Variants in CEP76 observed in about 807,000 individuals in gnomAD.
CEP76 encodes the protein centrosomal protein 76, also known as centrosomal protein of 76 kDa.
Under a neutral mutation model 83.3 loss-of-function variants are expected in CEP76, and 55 were observed. That is an observed-to-expected ratio of 0.66 (90% CI 0.53 to 0.83). The LOEUF is 0.83. Among genes scored for constraint, CEP76 ranks in the 40% least tolerant of loss-of-function variants. The pLI is 0.00. For synonymous variants in CEP76, 270 were observed against 274.5 expected (o/e 0.98, Z 0.16); for missense variants, 694 against 799.5 (o/e 0.87, Z 1.59).
intron 9 of CEP76, among the ~76,000 whole-genome samples, chr18:12,680,227 A>T (rs1278344909): frequency 6.6e-6 from 1 of 152,116 alleles, no homozygotes; most frequent in Non-Finnish European, 1.5e-5. Flanking sequence ...ATCACTGAAA[A>T]GGCTCTAACT....
At chr18:12,673,526 T>C (rs1455950950) in intron 11 of CEP76, 23 bp from the exon 12 acceptor site, 1 of 1,535,316 alleles carries the variant, frequency 6.5e-7, no homozygotes, top group Non-Finnish European at 8.8e-7. Flanking sequence ...AAAAAAATTA[T>C]TCAATTAAGA....
At chr18:12,698,527 T>C (rs2040040713) in intron 4 of CEP76, among the ~76,000 whole-genome samples, 1 of 152,222 alleles carries the variant, frequency 6.6e-6, no homozygotes, top group South Asian at 2.1e-4. Flanking sequence ...CTTGAACTCC[T>C]GGCTTCAAAT....
Position 12,686,376 on chromosome 18 carries a change from T to G in CEP76, c.1008A>C (p.Pro336=). The change falls in exon 8 of 12, where the codon CCA becomes CCC. Residue 336 remains proline (P), a synonymous_variant. Transcript: ENST00000262127. ...PLRAGRLLDT[P]RQAARFVNVL... is the part of the protein sequence containing the mutation. ...CATTAACAAATCTTGCTGCTTGCCT[T>G]GGAGTATCAAGAAGCCGTCCAGCTC... 6.2e-7 allele frequency: 1 copy of G among 1,614,092 alleles called. No individual in the cohort carries two copies. Among genetic ancestry groups the G allele is most frequent in the Non-Finnish European group, 8.5e-7 (1 of 1,179,966 alleles).
chr18:12,668,110 C>A (rs1255732776), downstream of CEP76, among the ~76,000 whole-genome samples: 1 of 151,842 alleles, frequency 6.6e-6, no homozygotes, highest in Non-Finnish European at 1.5e-5. Flanking sequence ...ACGAAAAATA[C>A]AAAAATTAGC....
chr18:12,674,486 A>G (rs1044312503), intron 11 of CEP76, 50 bp downstream of exon 11: 1 of 1,381,614 alleles, frequency 7.2e-7, no homozygotes, highest in East Asian at 2.3e-5. Flanking sequence ...TGCCGGACTG[A>G]TCTGTAAGAC....
intron 11 of CEP76, 91 bp downstream of exon 11, chr18:12,674,441 TAAAA>T (rs34769779): frequency 3.9e-3 from 2,774 of 710,470 alleles, no homozygotes; most frequent in Middle Eastern, 5.3e-3. Flanking sequence ...GACCTTGAGT[TAAAA>T]AAAAAAAAAA....
chr18:12,701,326 CAAA>C (rs923958865), intron 1 of CEP76, among the ~76,000 whole-genome samples: 69 of 152,246 alleles, frequency 4.5e-4, no homozygotes, highest in African/African-American at 1.4e-3. Flanking sequence ...CATTTCTCCA[CAAA>C]CAACACTCAA....
intron 7 of CEP76, among the ~76,000 whole-genome samples, chr18:12,688,930 C>T (rs2039646709): frequency 6.6e-6 from 1 of 152,016 alleles, no homozygotes; most frequent in Non-Finnish European, 1.5e-5. Context: ...CTGGCTAACA[C>T]AGTGAAACCC....
intron 8 of CEP76, among the ~76,000 whole-genome samples, chr18:12,681,425 T>C (rs2039346512): frequency 6.6e-6 from 1 of 151,734 alleles, no homozygotes; most frequent in South Asian, 2.1e-4. Flanking sequence ...TTTAAAATTT[T>C]TTTTGTATAA....
intron 9 of CEP76, among the ~76,000 whole-genome samples, chr18:12,680,274 T>C (rs967126300): frequency 1.2e-4 from 18 of 152,124 alleles, no homozygotes; most frequent in African/African-American, 4.3e-4. Context: ...ACCATCAATA[T>C]GGACAAAAAA....
intron 7 of CEP76, among the ~76,000 whole-genome samples, chr18:12,690,980 A>T (rs1443422460): frequency 6.6e-6 from 1 of 150,684 alleles, no homozygotes; most frequent in Non-Finnish European, 1.5e-5. Context: ...TTTACATATA[A>T]CCTGCAAAGT....
intron 8 of CEP76, chr18:12,684,820 C>T (rs775249621): frequency 6.6e-6 from 1 of 151,834 alleles, no homozygotes; most frequent in Non-Finnish European, 1.5e-5. Context: ...ATACTATCAA[C>T]ATTTTTAGAA....
In CEP76 at chr18:12,699,838, A is replaced by G; in HGVS notation, c.287T>C (p.Leu96Ser). The G allele has an allele frequency of 1.9e-6, 3 of 1,555,190 alleles. No individual in the cohort carries two copies. The highest frequency in any genetic ancestry group is 2.6e-6 in the Non-Finnish European group (3 of 1,141,064). The change falls in exon 3 of 12, where the codon TTA becomes TCA. Residue 96 changes from leucine to serine, a missense_variant. Physicochemically the swap from Leu to Ser is moderately radical, Grantham distance 145. Transcript: ENST00000262127. ...TGTTAAAATATACATACTTTTTTTT[A>G]ATGTCGATTGTCTATCAAAACAAAT... is the stretch of plus-strand genomic sequence containing the variant. ...QPICFDRQSTLKKTNIDPTRR... is the reference protein window; with the variant it reads ...QPICFDRQSTSKKTNIDPTRR...
At position 12,695,316 on chromosome 18, in the gene CEP76, T is replaced by C. The variant is rs1436633389; in HGVS notation, c.742A>G (p.Ile248Val). The C allele has an allele frequency of 1.3e-6, 2 of 1,568,852 alleles. No homozygotes were observed. The highest frequency in any genetic ancestry group is 1.4e-5 in the African/African-American group (1 of 73,826). Residue 248 changes from isoleucine to valine, a missense_variant, in exon 6 of 12, where the codon ATA (isoleucine) becomes GTA (valine). Coordinates refer to ENST00000262127, the MANE Select transcript of CEP76 (RefSeq NM_024899.4). ...AGTGGTGGATACATTTCAAGTTTTA[T>C]ATTTAAAATTCCCACAGAAACTTTT... ...ESKVSVGILN[I>V]KLEMYPPLNQ...
chr18:12,690,625 T>G (rs2039720597), intron 7 of CEP76, among the ~76,000 whole-genome samples: 2 of 152,070 alleles, frequency 1.3e-5, no homozygotes, highest in South Asian at 4.1e-4. Flanking sequence ...CCGGCTAATT[T>G]TTTGTGTTTT....
chr18:12,701,572 A>G (rs1476170992), intron 1 of CEP76, among the ~76,000 whole-genome samples: 1 of 152,164 alleles, frequency 6.6e-6, no homozygotes, highest in Non-Finnish European at 1.5e-5. Flanking sequence ...CCCTCTCACG[A>G]TAGTGTTGTG....
intron 3 of CEP76, 66 bp downstream of exon 3, chr18:12,699,764 C>G (rs530067824): frequency 1.1e-6 from 1 of 894,164 alleles, no homozygotes; most frequent in South Asian, 1.9e-5. Flanking sequence ...CTATCAAATA[C>G]GAAAGACTAC....
chr18:12,691,197 C>CA, intron 7 of CEP76, 162 bp downstream of exon 7: 1 of 478,616 alleles, frequency 2.1e-6, no homozygotes, highest in African/African-American at 2.0e-5. Context: ...TCTTGCCACT[C>CA]ACTATGCAGT....
At chr18:12,701,888 T>G (rs907382336) in intron 1 of CEP76, among the ~76,000 whole-genome samples, 1 of 152,104 alleles carries the variant, frequency 6.6e-6, no homozygotes, top group Non-Finnish European at 1.5e-5. Flanking sequence ...CCCAGCACTT[T>G]AGGAGGCCGA....
Sources: gnomAD v4.1 joint callset for allele counts (sites outside exome capture counted in the v4.1 genomes callset) on GRCh38, gnomAD v4.1.1 for gene constraint, MANE v1.5 for transcripts, NCBI Gene and HGNC (gene_info 2026-07-23, HGNC 2026-07-21) for gene names.